PSTK: variants seen among roughly 807,000 people sequenced by gnomAD.
PSTK encodes the protein phosphoseryl-tRNA kinase.
Under a neutral mutation model 38.6 loss-of-function variants are expected in PSTK, and 26 were observed. The observed-to-expected ratio is 0.67, with a 90% CI of 0.49 to 0.94. The LOEUF is 0.94. Ranked by LOEUF, PSTK falls within the 40% of genes least tolerant of loss-of-function variation. The pLI is 0.00. For missense variants in PSTK, 445 were observed against 436.3 expected (o/e 1.02, Z -0.18); for synonymous variants, 181 against 161.7 (o/e 1.12, Z -0.91).
chr10:122,983,277 T>C lies in PSTK; in HGVS notation c.514T>C (p.Leu172=), dbSNP rs773433678. 12 of 1,606,476 alleles carry C rather than the reference T, an allele frequency of 7.5e-6. No homozygotes were observed. Among genetic ancestry groups the C allele is most frequent in the Admixed American group, 3.4e-5 (2 of 58,058 alleles). ...EVYQLARKYS[L]GFCQLFLDCP... ...TCATTTTAAACTGTTTTCAGATTCG[T>C]TGGGCTTTTGCCAGCTCTTTTTAGA... Residue 172 remains leucine (L), a synonymous_variant, in exon 3 of 6, where the codon TTG becomes CTG. Transcript: ENST00000406217.
At chr10:122,983,495 T>C (rs1848995416) in intron 3 of PSTK, 25 bp downstream of exon 3, 1 of 1,598,344 alleles carries the variant, frequency 6.3e-7, no homozygotes, top group Admixed American at 1.7e-5. Context: ...CATCCCTCCC[T>C]GGATGCTCCC....
At chr10:122,985,807 G>T (rs7100697) in intron 3 of PSTK, 100,167 of 152,154 alleles carry the variant, frequency 0.66, 33,335 homozygotes, top group Non-Finnish European at 0.7. Flanking sequence ...CATTTGGATT[G>T]TCTACATGGA....
intron 5 of PSTK, among the ~76,000 whole-genome samples, chr10:122,988,395 A>G (rs1849064044): frequency 6.6e-6 from 1 of 151,932 alleles, no homozygotes; most frequent in South Asian, 2.1e-4. Flanking sequence ...AGCCATATAT[A>G]TATACATATA....
Position 122,980,786 on chromosome 10 carries a change from G to C in PSTK, c.216+91G>C, listed in dbSNP as rs1848949786. On this transcript the variant is annotated intron_variant, in intron 1 of 5. Coordinates refer to ENST00000406217, the MANE Select transcript of PSTK (RefSeq NM_001363531.2). The surrounding 1 kb of genome is among the most constrained non-coding windows in gnomAD (Gnocchi z 4.3). Reference sequence around the variant, plus strand: ...CACTCGCGTCCACGCGGTCCTGGGTGATTTGCCATGAGCGCCCATTGCTTG... The same window carrying C: ...CACTCGCGTCCACGCGGTCCTGGGTCATTTGCCATGAGCGCCCATTGCTTG... The C allele has an allele frequency of 7.7e-7, 1 of 1,290,984 alleles. No homozygotes were observed. The highest frequency in any genetic ancestry group is 9.8e-7 in the Non-Finnish European group (1 of 1,025,060). The allele number at this position is 1,290,984 out of a possible 1,614,324, so 80.0% of individuals were successfully genotyped here.
chr10:122,983,632 C>G (rs1236215106), intron 3 of PSTK, 162 bp downstream of exon 3: 5 of 645,536 alleles, frequency 7.7e-6, no homozygotes, highest in Non-Finnish European at 1.3e-5. Flanking sequence ...TTTAGTTTGT[C>G]CAGAAAGATT....
chr10:122,987,442 G>A (rs1241083280), intron 5 of PSTK: 5 of 1,614,184 alleles, frequency 3.1e-6, no homozygotes, highest in Non-Finnish European at 4.2e-6. Flanking sequence ...AAGTGCAGAA[G>A]CGCAAAGGTT....
At chr10:122,986,541 A>G (rs1229048956) in intron 4 of PSTK, 166 bp downstream of exon 4, 1 of 629,544 alleles carries the variant, frequency 1.6e-6, no homozygotes, top group Non-Finnish European at 2.8e-6. Flanking sequence ...GGCAAAGCCG[A>G]TTGTTAAACT....
At chr10:122,987,109 C>A in intron 5 of PSTK, 147 bp downstream of exon 5, 1 of 882,158 alleles carries the variant, frequency 1.1e-6, no homozygotes, top group Non-Finnish European at 1.8e-6. Context: ...CTAAATGTAA[C>A]TAAAAATTCT....
At chr10:122,983,082 CTA>C (rs1848987795) in intron 2 of PSTK, 58 bp downstream of exon 2, 1 of 1,433,856 alleles carries the variant, frequency 7.0e-7, no homozygotes, top group Non-Finnish European at 9.5e-7. Context: ...ATCAAAAACA[CTA>C]TTGTCTTCAA....
intron 5 of PSTK, chr10:122,987,456 T>C: frequency 6.2e-7 from 1 of 1,614,110 alleles, no homozygotes; most frequent in East Asian, 2.2e-5. Context: ...AAAGGTTGGC[T>C]GGTTGCAGTG....
chr10:122,987,187 A>C, intron 5 of PSTK: 1 of 1,180,026 alleles, frequency 8.5e-7, no homozygotes, highest in Middle Eastern at 2.0e-4. Flanking sequence ...ACTAGGCCTT[A>C]CTCTAGATGC....
At position 122,983,399 on chromosome 10, in the gene PSTK, C is replaced by T. The variant is rs1414442426; in HGVS notation, c.636C>T (p.Pro212=). Residue 212 remains proline (P), a synonymous_variant, in exon 3 of 6, where the codon CCC becomes CCT. Coordinates refer to ENST00000406217, the MANE Select transcript of PSTK (RefSeq NM_001363531.2). ...TGATGGGAAGAAAGCTAGAAAAGCC[C>T]AACCCTGAGAAAAATGCTTGGGAAC... ...IHLMGRKLEK[P]NPEKNAWEHN... The T allele has an allele frequency of 6.2e-7, 1 of 1,614,162 alleles. No homozygotes were observed. The highest frequency in any genetic ancestry group is 1.1e-5 in the South Asian group (1 of 91,076).
chr10:122,982,950 C>T lies in PSTK; in HGVS notation c.434C>T (p.Pro145Leu). Residue 145 changes from proline to leucine, a missense_variant, in exon 2 of 6, where the codon CCT (proline) becomes CTT (leucine). Coordinates refer to ENST00000406217, the MANE Select transcript of PSTK (RefSeq NM_001363531.2). Reference protein sequence around the residue: ...YLLTKTAVSRPLFLVLDDNFY... With the variant: ...YLLTKTAVSRLLFLVLDDNFY... ...TTAACAAAAACTGCTGTTTCTAGACCTTTGTTTTTGGTTTTGGATGACAAT... is the reference window on the plus strand; with the variant it reads ...TTAACAAAAACTGCTGTTTCTAGACTTTTGTTTTTGGTTTTGGATGACAAT... 6 of 1,614,044 alleles carry T rather than the reference C, an allele frequency of 3.7e-6. No individual in the cohort carries two copies. The highest frequency in any genetic ancestry group is 5.1e-6 in the Non-Finnish European group (6 of 1,179,970).
chr10:122,987,439 G>A, intron 5 of PSTK: 3 of 1,614,198 alleles, frequency 1.9e-6, no homozygotes, highest in Non-Finnish European at 2.5e-6. Flanking sequence ...ATCAAGTGCA[G>A]AAGCGCAAAG....
At position 122,980,656 on chromosome 10, in the gene PSTK, G is replaced by T. The variant is rs781217004; in HGVS notation, c.177G>T (p.Met59Ile). 7 of 1,594,536 alleles carry T rather than the reference G, an allele frequency of 4.4e-6. No homozygotes were observed. In the Admixed American group the frequency reaches 1.0e-4, roughly 23 times the overall value. ...GTGTTGTCGCGTATGATGACGTCAT[G>T]CCCGACGCGTTTCTCGCCGGGGCAA... is the stretch of plus-strand genomic sequence containing the variant. Reference protein sequence around the residue: ...AIGVVAYDDVMPDAFLAGARA... With the variant: ...AIGVVAYDDVIPDAFLAGARA... The change falls in exon 1 of 6, where the codon ATG becomes ATT. Residue 59 changes from methionine to isoleucine, a missense_variant. Met to Ile is a conservative substitution (Grantham distance 10, BLOSUM62 1). Transcript: ENST00000406217. This position sits in a 1 kb window ranked among gnomAD's most constrained non-coding sequence, Gnocchi z 4.3.
chr10:122,983,060 A>G, intron 2 of PSTK, 36 bp downstream of exon 2: 1 of 1,537,120 alleles, frequency 6.5e-7, no homozygotes, highest in Middle Eastern at 1.8e-4. Context: ...ACATGGAGAT[A>G]CTTATTCACG....
chr10:122,988,302 G>C (rs1032940282), intron 5 of PSTK, among the ~76,000 whole-genome samples: 2 of 152,072 alleles, frequency 1.3e-5, no homozygotes, highest in South Asian at 2.1e-4. Context: ...AATGAAGCAA[G>C]GTCCTGGGGG....
At chr10:122,986,491 C>A in intron 4 of PSTK, 116 bp downstream of exon 4, 1 of 777,494 alleles carries the variant, frequency 1.3e-6, no homozygotes, top group Non-Finnish European at 2.2e-6. Flanking sequence ...ATTGGCTTGG[C>A]CTCTCACCAG....
At chr10:122,987,463 A>T (rs1172205017) in intron 5 of PSTK, 2 of 1,614,050 alleles carry the variant, frequency 1.2e-6, no homozygotes, top group Non-Finnish European at 8.5e-7. Context: ...GGCTGGTTGC[A>T]GTGTTGCAGA....
Sources: allele counts gnomAD v4.1 joint callset (sites outside exome capture counted in the v4.1 genomes callset), GRCh38; gene constraint gnomAD v4.1.1; non-coding constraint Gnocchi (gnomAD v3.1); transcripts MANE v1.5; gene names NCBI Gene and HGNC (gene_info 2026-07-23, HGNC 2026-07-21).